Variants in ZNF608 observed in about 807,000 individuals in gnomAD.
The protein encoded by ZNF608 is zinc finger protein 608, also known as renal carcinoma antigen NY-REN-36.
A neutral mutation model predicts 109.0 loss-of-function variants in ZNF608; 12 were observed. That is an observed-to-expected ratio of 0.11 (90% CI 0.07 to 0.18). The LOEUF (loss-of-function observed/expected upper bound fraction) is 0.18, where lower values mean the gene tolerates loss of function less well. Among genes scored for constraint, ZNF608 ranks in the 10% least tolerant of loss-of-function variants. The pLI is 1.00. For synonymous variants in ZNF608, 732 were observed against 717.4 expected (o/e 1.02, Z -0.33); for missense variants, 1,707 against 1,879.3 (o/e 0.91, Z 1.70).
chr5:124,700,984 G>A (rs766194398), intron 3 of ZNF608, 30 bp downstream of exon 3: 25 of 1,609,786 alleles, frequency 1.6e-5, no homozygotes, highest in East Asian at 6.7e-5. Context: ...AGAGGGCATC[G>A]GGAAATATAT....
chr5:124,694,142 ATTTTTTTTT>A (rs11320730), intron 3 of ZNF608, among the ~76,000 whole-genome samples: 4 of 63,938 alleles, frequency 6.3e-5, no homozygotes, highest in Admixed American at 2.7e-4. Context: ...CGCTCGGCTA[ATTTTTTTTT>A]TTTTTTTTTT....
intron 3 of ZNF608, among the ~76,000 whole-genome samples, chr5:124,690,924 AACACACACACAC>A (rs35022360): frequency 1.2e-5 from 1 of 86,912 alleles, no homozygotes; most frequent in South Asian, 3.8e-4. Context: ...GCAACAGAAA[AACACACACACAC>A]ACACACACAC....
Position 124,744,837 on chromosome 5 carries a change from A to G in ZNF608, c.153T>C (p.Asn51=). The G allele has an allele frequency of 6.2e-7, 1 of 1,614,140 alleles. No individual in the cohort carries two copies. Among genetic ancestry groups the G allele is most frequent in the Non-Finnish European group, 8.5e-7 (1 of 1,180,004 alleles). The change falls in exon 2 of 10, where the codon AAT becomes AAC. Residue 51 remains asparagine (N), a synonymous_variant. Transcript: ENST00000513986. This position sits in a 1 kb window ranked among gnomAD's most constrained non-coding sequence, Gnocchi z 4.5. ...LEKDRQKFEM[N]NSTTTTSSSN... ...TGCTACTAGTGGTGGTGGTGGAATT[A>G]TTCATCTCAAATTTCTGTCTGTCCT...
chr5:124,722,542 C>T (rs1026056582), intron 2 of ZNF608, among the ~76,000 whole-genome samples: 9 of 151,028 alleles, frequency 6.0e-5, no homozygotes, highest in African/African-American at 1.9e-4. Flanking sequence ...TAAAGCAATA[C>T]TGTGATGATT....
chr5:124,720,476 C>T (rs776405673), intron 2 of ZNF608, among the ~76,000 whole-genome samples: 1 of 152,168 alleles, frequency 6.6e-6, no homozygotes, highest in Non-Finnish European at 1.5e-5. Context: ...CATGCTATAG[C>T]TATCTAACAC....
rs370674166 is a variant in ZNF608 at position 124,709,064 on chromosome 5, G to T, written c.907-7795C>A. 3.3e-5 allele frequency among the ~76,000 whole-genome samples: 5 copies of T among 151,284 alleles called. No homozygotes were observed. The South Asian group carries it at 6.3e-4, about 19-fold the overall frequency. ...GCGGCTCCTGTAATCCCAGCTACTC[G>T]GGAGGCTGAGGCAGGAGAATTGCTT... On this transcript the variant is annotated intron_variant, in intron 2 of 9. Transcript: ENST00000513986.
rs768534450 is a variant in ZNF608, at chr5:124,647,574, G to A, written c.2810C>T (p.Pro937Leu). 13 of 1,614,178 alleles carry A rather than the reference G, an allele frequency of 8.1e-6. No individual in the cohort carries two copies. Among genetic ancestry groups the A allele is most frequent in the East Asian group, 2.2e-5 (1 of 44,890 alleles). The change falls in exon 5 of 10, where the codon CCG (proline) becomes CTG (leucine). Residue 937 changes from proline (P) to leucine (L), a missense_variant. By Grantham distance (98) the Pro-to-Leu change is moderately conservative. Coordinates refer to ENST00000513986, the MANE Select transcript of ZNF608 (RefSeq NM_020747.3). ...AGCATCAGATATGTCTGAATAGGCC[G>A]GGCTGCTTGTCTTTGCAGCTGAACT... ...AESSAAKTSS[P>L]AYSDISDAAD... is the part of the protein sequence containing the mutation.
intron 2 of ZNF608, among the ~76,000 whole-genome samples, chr5:124,725,269 C>T (rs980349168): frequency 7.2e-5 from 11 of 151,878 alleles, no homozygotes; most frequent in African/African-American, 1.9e-4. Flanking sequence ...TAGCACGTAA[C>T]GCCAACCAAA....
At chr5:124,734,616 G>T (rs1749061176) in intron 2 of ZNF608, 1 of 152,172 alleles carries the variant, frequency 6.6e-6, no homozygotes, top group African/African-American at 2.4e-5. Context: ...GTGCTCCAGA[G>T]ACCTACACAA....
intron 2 of ZNF608, among the ~76,000 whole-genome samples, chr5:124,733,217 C>CT (rs67421322): frequency 0.017 from 2,022 of 117,536 alleles, 47 homozygotes; most frequent in African/African-American, 0.031. Flanking sequence ...ATCTCTCTCT[C>CT]TTTTTTTTTT....
intron 3 of ZNF608, 36 bp from the exon 4 acceptor site, chr5:124,649,733 A>C (rs1750696886): frequency 1.5e-6 from 2 of 1,297,950 alleles, no homozygotes; most frequent in Non-Finnish European, 2.1e-6. Context: ...GATCATAGTT[A>C]CCACTGATTA....
intron 3 of ZNF608, among the ~76,000 whole-genome samples, chr5:124,656,978 G>A (rs182496148): frequency 2.0e-5 from 3 of 152,116 alleles, no homozygotes; most frequent in Admixed American, 2.0e-4. Flanking sequence ...TATTGATTTG[G>A]GAAAATCATT....
intron 3 of ZNF608, among the ~76,000 whole-genome samples, chr5:124,676,426 C>G (rs897305877): frequency 1.3e-5 from 2 of 152,206 alleles, no homozygotes; most frequent in African/African-American, 2.4e-5. Flanking sequence ...AATGACTTAT[C>G]TAGACCGCTA....
chr5:124,637,825 A>C lies in ZNF608; in HGVS notation c.*75T>G. 1 of 1,492,258 alleles carries C rather than the reference A, an allele frequency of 6.7e-7. No individual in the cohort carries two copies. The highest frequency in any genetic ancestry group is 9.1e-7 in the Non-Finnish European group (1 of 1,095,310). 92.4% of individuals were successfully genotyped at this position (1,492,258 alleles called of 1,614,324 possible). A position where few individuals can be genotyped will look rare whatever the true frequency, so the allele number is the denominator to read the frequency against. On this transcript the variant is annotated 3_prime_UTR_variant, in exon 10 of 10. Coordinates refer to ENST00000513986, the MANE Select transcript of ZNF608 (RefSeq NM_020747.3). Reference sequence around the variant, plus strand: ...TGCCATTAAGGCATTTCAAATTAACACCATGGAACTGATGTCTGTATAAAG... The same window carrying C: ...TGCCATTAAGGCATTTCAAATTAACCCCATGGAACTGATGTCTGTATAAAG...
intron 2 of ZNF608, among the ~76,000 whole-genome samples, chr5:124,722,420 A>T (rs1387944624): frequency 6.6e-6 from 1 of 152,192 alleles, no homozygotes; most frequent in Non-Finnish European, 1.5e-5. Flanking sequence ...AAGTGTATTT[A>T]CCGGCTGTAA....
intron 2 of ZNF608, 73 bp from the exon 3 acceptor site, chr5:124,701,342 A>G (rs1753045009): frequency 6.4e-7 from 1 of 1,556,964 alleles, no homozygotes; most frequent in Non-Finnish European, 8.7e-7. Context: ...TGCTTATATC[A>G]CTTCTAGAAT....
At chr5:124,667,898 G>C (rs1165456271) in intron 3 of ZNF608, among the ~76,000 whole-genome samples, 2 of 152,036 alleles carry the variant, frequency 1.3e-5, no homozygotes, top group African/African-American at 4.8e-5. Context: ...AGAAGACACC[G>C]GTGCAAAGAG....
intron 2 of ZNF608, among the ~76,000 whole-genome samples, chr5:124,743,611 C>CAGGG (rs1749512633): frequency 6.6e-6 from 1 of 152,310 alleles, no homozygotes; most frequent in East Asian, 1.9e-4. Flanking sequence ...CATTCCTCTC[C>CAGGG]AGGGAGGGAA....
At chr5:124,689,517 T>G (rs1476107559) in intron 3 of ZNF608, among the ~76,000 whole-genome samples, 3 of 149,284 alleles carry the variant, frequency 2.0e-5, no homozygotes, top group African/African-American at 7.4e-5. Context: ...AGAACTAGTT[T>G]CCAAAATATT....
Sources: allele counts gnomAD v4.1 joint callset (sites outside exome capture counted in the v4.1 genomes callset), GRCh38; gene constraint gnomAD v4.1.1; non-coding constraint Gnocchi (gnomAD v3.1); transcripts MANE v1.5; gene names NCBI Gene and HGNC (gene_info 2026-07-23, HGNC 2026-07-21).